Variants in MUC5AC observed in about 807,000 individuals in gnomAD.
MUC5AC encodes mucin 5AC, oligomeric mucus/gel-forming, also known as mucin-5AC.
In MUC5AC, 158 loss-of-function variants were observed where a neutral mutation model predicts 169.7. The ratio of observed to expected loss-of-function variants is 0.93; its 90% CI spans 0.82 to 1.06. The LOEUF (loss-of-function observed/expected upper bound fraction) is 1.06, where lower values mean the gene tolerates loss of function less well. MUC5AC is among the 50% of genes least tolerant of loss of function. The pLI, the probability that MUC5AC is intolerant of heterozygous loss-of-function variation, is 0.00. For synonymous variants in MUC5AC, 1,975 were observed against 1,237.0 expected (o/e 1.60, Z -12.52); for missense variants, 4,359 against 3,089.9 (o/e 1.41, Z -9.74).
At chr11:1,193,419 C>T (rs544735259) in intron 32 of MUC5AC, 66 bp from the exon 33 acceptor site, 204 of 663,156 alleles carry the variant, frequency 3.1e-4, no homozygotes, top group African/African-American at 2.8e-3. Flanking sequence ...ACTGTGACCC[C>T]GAGAACCAAG....
intron 40 of MUC5AC, among the ~76,000 whole-genome samples, chr11:1,197,177 G>A (rs1176761038): frequency 2.0e-5 from 3 of 152,172 alleles, no homozygotes; most frequent in East Asian, 1.9e-4. Context: ...CTGGCCCCGA[G>A]GCTGGCTGTG....
At position 1,184,288 on chromosome 11, in the gene MUC5AC, A is replaced by C. The variant is rs1320065497; in HGVS notation, c.6143A>C (p.Asn2048Thr). Residue 2048 changes from asparagine to threonine, a missense_variant, in exon 31 of 49, where the codon AAC becomes ACC. By Grantham distance (65) the Asn-to-Thr change is moderately conservative (BLOSUM62 0). Transcript: ENST00000621226. The stretch of plus-strand genomic sequence containing the variant: ...CGCATCCAGTGTTGCGAGACGGTGA[A>C]CGTGTGCAGAGACATCACCAGACCG... ...EIRIQCCETV[N>T]VCRDITRPPK... 2.3e-5 allele frequency: 10 copies of C among 431,278 alleles called. No homozygotes were observed. Among genetic ancestry groups the C allele is most frequent in the Non-Finnish European group, 3.6e-5 (9 of 246,820 alleles). The allele number at this position is 431,278 out of a possible 1,614,324, so 26.7% of individuals were successfully genotyped here.
intron 6 of MUC5AC, 51 bp from the exon 7 acceptor site, chr11:1,163,831 C>A: frequency 6.9e-7 from 1 of 1,443,040 alleles, no homozygotes; most frequent in Non-Finnish European, 9.6e-7. Flanking sequence ...GGGTGCTGGG[C>A]TGACGGGTAC....
chr11:1,160,456 AC>A (rs33962059), intron 1 of MUC5AC, among the ~76,000 whole-genome samples, 155 bp from the exon 2 acceptor site: 97,918 of 151,202 alleles, frequency 0.65, 34,181 homozygotes, highest in Non-Finnish European at 0.78. Flanking sequence ...GCCTCCTAGG[AC>A]CCCCCCAACC....
chr11:1,175,532 C>T (rs1860649642), intron 19 of MUC5AC, among the ~76,000 whole-genome samples: 1 of 150,496 alleles, frequency 6.6e-6, no homozygotes, highest in Non-Finnish European at 1.5e-5. Flanking sequence ...CCCACTCATG[C>T]ACACACACCC....
chr11:1,194,151 G>A lies in MUC5AC; in HGVS notation c.14797G>A (p.Asp4933Asn), dbSNP rs369198434. Residue 4933 changes from aspartate (D) to asparagine (N), a missense_variant, in exon 34 of 49, where the codon GAC becomes AAC. Asp to Asn is a conservative substitution (Grantham distance 23). Coordinates refer to ENST00000621226, the MANE Select transcript of MUC5AC (RefSeq NM_001304359.2). Reference protein sequence around the residue: ...GWGDPHYITFDGTYYTFLDNC... With the variant: ...GWGDPHYITFNGTYYTFLDNC... ...GGGTGACCCCCACTACATCACCTTC[G>A]ACGGCACCTACTACACCTTCCTGGA... 2.6e-6 allele frequency: 2 copies of A among 764,912 alleles called. No homozygotes were observed. The highest frequency in any genetic ancestry group is 4.8e-6 in the Non-Finnish European group (2 of 417,868). The allele number at this position is 764,912 out of a possible 1,614,324, so 47.4% of individuals were successfully genotyped here.
chr11:1,170,352 CCACT>C (rs1860467881), intron 15 of MUC5AC, among the ~76,000 whole-genome samples: 1 of 143,748 alleles, frequency 7.0e-6, no homozygotes, highest in Non-Finnish European at 1.5e-5. Context: ...ACCCATTTGC[CCACT>C]CACTCACCTC....
At chr11:1,170,297 A>C (rs1254433268) in intron 15 of MUC5AC, among the ~76,000 whole-genome samples, 1 of 125,146 alleles carries the variant, frequency 8.0e-6, no homozygotes, top group Non-Finnish European at 1.7e-5. Context: ...CCATTCACCC[A>C]TTCACCCACT....
intron 32 of MUC5AC, among the ~76,000 whole-genome samples, 200 bp downstream of exon 32, chr11:1,193,182 A>G (rs986083151): frequency 1.3e-5 from 2 of 152,176 alleles, no homozygotes; most frequent in African/African-American, 4.8e-5. Context: ...CTTTCCAGAC[A>G]CTGGGTGTGT....
In MUC5AC at chr11:1,172,483, G is replaced by C; in HGVS notation, c.1925G>C (p.Gly642Ala). 1 of 398,702 alleles carries C rather than the reference G, an allele frequency of 2.5e-6. No individual in the cohort carries two copies. Among genetic ancestry groups the C allele is most frequent in the Middle Eastern group, 6.3e-4 (1 of 1,588 alleles). The allele number at this position is 398,702 out of a possible 1,614,324, so 24.7% of individuals were successfully genotyped here. ...CTGACCGATGCCGACGGCCCCTTCG[G>C]CCGGTGCCATGCTGCCGTGAAGCCG... Reference protein sequence around the residue: ...SQLTDADGPFGRCHAAVKPGT... With the variant: ...SQLTDADGPFARCHAAVKPGT... Residue 642 changes from glycine to alanine, a missense_variant, in exon 16 of 49, where the codon GGC becomes GCC. Gly to Ala is a moderately conservative substitution (Grantham distance 60, BLOSUM62 0). Coordinates refer to ENST00000621226, the MANE Select transcript of MUC5AC (RefSeq NM_001304359.2).
In MUC5AC at chr11:1,167,981, G is replaced by A. The variant is rs759569274; in HGVS notation, c.1491G>A (p.Ala497=). 33 of 1,550,218 alleles carry A rather than the reference G, an allele frequency of 2.1e-5. No individual in the cohort carries two copies. The highest frequency in any genetic ancestry group is 1.4e-4 in the Admixed American group (7 of 51,020). The change falls in exon 12 of 49, where the codon GCG becomes GCA. Residue 497 remains alanine (A), a synonymous_variant. Coordinates refer to ENST00000621226, the MANE Select transcript of MUC5AC (RefSeq NM_001304359.2). The part of the protein sequence containing the change: ...LKSVTLSLDG[A]QTVVVIKASG... ...GCGTGACACTGAGCCTGGATGGGGC[G>A]CAGACGGTGAGTGGAGCCTGGCAGG... is the stretch of plus-strand genomic sequence containing the variant.
At position 1,185,230 on chromosome 11, in the gene MUC5AC, C is replaced by T. The variant is rs1860908969; in HGVS notation, c.7085C>T (p.Thr2362Ile). The T allele has an allele frequency of 5.5e-6, 4 of 729,694 alleles. No individual in the cohort carries two copies. Among genetic ancestry groups the T allele is most frequent in the Non-Finnish European group, 5.0e-6 (2 of 400,168 alleles). The allele number at this position is 729,694 out of a possible 1,614,324, so 45.2% of individuals were successfully genotyped here. Reference protein sequence around the residue: ...PTTSITSAPTTSTTSAPTTST... With the variant: ...PTTSITSAPTISTTSAPTTST... ...ACCAGCATAACCTCTGCCCCTACAA[C>T]CAGCACAACCTCTGCTCCTACAACC... The change falls in exon 31 of 49, where the codon ACC becomes ATC. Residue 2362 changes from threonine (T) to isoleucine (I), a missense_variant. Physicochemically the swap from Thr to Ile is moderately conservative, Grantham distance 89. Coordinates refer to ENST00000621226, the MANE Select transcript of MUC5AC (RefSeq NM_001304359.2).
In MUC5AC at chr11:1,160,290, GGGCCAGGGCCTGGCACGCT is replaced by G. The variant is rs554813143; in HGVS notation, c.74-321_74-303del. ...AGGGGTCCCAAGCGTGGCAGCGTGG[GGGCCAGGGCCTGGCACGCT>G]TGGCAGTGAGTGGGAATGAATAGAT... is the stretch of plus-strand genomic sequence containing the variant. On this transcript the variant is annotated intron_variant, in intron 1 of 48. Coordinates refer to ENST00000621226, the MANE Select transcript of MUC5AC (RefSeq NM_001304359.2). Among the ~76,000 whole-genome samples the G allele has an allele frequency of 5.1e-4, 78 of 152,222 alleles. No homozygotes were observed. In the Middle Eastern group the frequency reaches 0.014, roughly 27 times the overall value.
rs1226909180 is a variant in MUC5AC at position 1,189,451 on chromosome 11, C to T, written c.11306C>T (p.Ser3769Leu). Reference sequence around the variant, plus strand: ...ACGTCAGCTCCTACGAGCACTTCCTCGGCTCCTACAACCAACACAACCTCT... The same window carrying T: ...ACGTCAGCTCCTACGAGCACTTCCTTGGCTCCTACAACCAACACAACCTCT... ...STTSAPTSTS[S>L]APTTNTTSAP... The change falls in exon 31 of 49, where the codon TCG becomes TTG. Residue 3769 changes from serine to leucine, a missense_variant. By Grantham distance (145) the Ser-to-Leu change is moderately radical. Coordinates refer to ENST00000621226, the MANE Select transcript of MUC5AC (RefSeq NM_001304359.2). 69 of 566,054 alleles carry T rather than the reference C, an allele frequency of 1.2e-4. No homozygotes were observed. Among genetic ancestry groups the T allele is most frequent in the Middle Eastern group, 2.6e-4 (1 of 3,820 alleles). 35.1% of individuals were successfully genotyped at this position (566,054 alleles called of 1,614,324 possible). A position where few individuals can be genotyped will look rare whatever the true frequency, so the allele number is the denominator to read the frequency against.
intron 19 of MUC5AC, 29 bp downstream of exon 19, chr11:1,175,299 C>T: frequency 2.5e-6 from 1 of 398,602 alleles, no homozygotes. Flanking sequence ...GCACTGTGGC[C>T]CCCAGCCTCC....
At chr11:1,196,743 G>A in intron 39 of MUC5AC, 23 bp downstream of exon 39, 1 of 741,452 alleles carries the variant, frequency 1.3e-6, no homozygotes, top group Non-Finnish European at 2.5e-6. Context: ...GGCCGGGGCT[G>A]GGGGGTGTGG....
chr11:1,187,915 A>G lies in MUC5AC; in HGVS notation c.9770A>G (p.Glu3257Gly), dbSNP rs1860993839. ...ETYNNIIRSG[E>G]KICRRPEEIT... ...TACAACAACATCATCAGGAGTGGGGAAAAAATCTGCCGCCGACCTGAGGAG... is the reference window on the plus strand; with the variant it reads ...TACAACAACATCATCAGGAGTGGGGGAAAAATCTGCCGCCGACCTGAGGAG... Residue 3257 changes from glutamate (E) to glycine (G), a missense_variant, in exon 31 of 49, where the codon GAA becomes GGA. Coordinates refer to ENST00000621226, the MANE Select transcript of MUC5AC (RefSeq NM_001304359.2). 3 of 757,552 alleles carry G rather than the reference A, an allele frequency of 4.0e-6. No individual in the cohort carries two copies. In the South Asian group the frequency reaches 4.1e-5, roughly 10 times the overall value. 46.9% of individuals were successfully genotyped at this position (757,552 alleles called of 1,614,324 possible). A position where few individuals can be genotyped will look rare whatever the true frequency, so the allele number is the denominator to read the frequency against.
In MUC5AC at chr11:1,200,458, C is replaced by T. The variant is rs749765932; in HGVS notation, c.16721C>T (p.Thr5574Met). The part of the protein sequence containing the change: ...SSSMYSLEGN[T>M]VEHRCQCCQE... Reference sequence around the variant, plus strand: ...CACAGGTACTCGCTCGAGGGCAACACGGTGGAGCACAGGTGCCAGTGCTGC... The same window carrying T: ...CACAGGTACTCGCTCGAGGGCAACATGGTGGAGCACAGGTGCCAGTGCTGC... The change falls in exon 49 of 49, where the codon ACG becomes ATG. Residue 5574 changes from threonine to methionine, a missense_variant. Transcript: ENST00000621226. 18 of 717,156 alleles carry T rather than the reference C, an allele frequency of 2.5e-5. No homozygotes were observed. Among genetic ancestry groups the T allele is most frequent in the Non-Finnish European group, 4.1e-5 (16 of 393,286 alleles). The allele number at this position is 717,156 out of a possible 1,614,324, so 44.4% of individuals were successfully genotyped here. A position where few individuals can be genotyped will look rare whatever the true frequency, so the allele number is the denominator to read the frequency against.
rs971010975 is a variant in MUC5AC at position 1,181,473 on chromosome 11, G to A, written c.4009+14G>A. 1,250 of 303,966 alleles carry A rather than the reference G, an allele frequency of 4.1e-3. 18 individuals are homozygous for A. In the African/African-American group the frequency reaches 0.054, roughly 13 times the overall value. 18.8% of individuals were successfully genotyped at this position (303,966 alleles called of 1,614,324 possible). A position where few individuals can be genotyped will look rare whatever the true frequency, so the allele number is the denominator to read the frequency against. Reference sequence around the variant, plus strand: ...CACCCCCGCTTGGTAAGGCAAATGTGGCCGAGGAGCCCCAGGGTGAGCCCC... The same window carrying A: ...CACCCCCGCTTGGTAAGGCAAATGTAGCCGAGGAGCCCCAGGGTGAGCCCC... On this transcript the variant is annotated intron_variant, in intron 30 of 48. Transcript: ENST00000621226.
Sources: allele counts gnomAD v4.1 joint callset (sites outside exome capture counted in the v4.1 genomes callset), GRCh38; gene constraint gnomAD v4.1.1; transcripts MANE v1.5; gene names NCBI Gene and HGNC (gene_info 2026-07-23, HGNC 2026-07-21).